Variants in TMTC1 observed in about 807,000 individuals in gnomAD.
The protein encoded by TMTC1 is transmembrane O-mannosyltransferase targeting cadherins 1.
Under a neutral mutation model 104.8 loss-of-function variants are expected in TMTC1, and 73 were observed. The ratio of observed to expected loss-of-function variants is 0.70; its 90% confidence interval spans 0.58 to 0.85. The LOEUF (loss-of-function observed/expected upper bound fraction) is 0.85. TMTC1 is among the 40% of genes least tolerant of loss of function. The pLI, the probability that TMTC1 is intolerant of heterozygous loss-of-function variation, is 0.00. For missense variants in TMTC1, 1,035 were observed against 1,096.1 expected, an observed-to-expected ratio of 0.94 and a Z score of 0.79; for synonymous variants, 434 against 428.7, an observed-to-expected ratio of 1.01 and a Z score of -0.15.
chr12:29,696,781 A>G (rs1941437030), intron 5 of TMTC1, among the ~76,000 whole-genome samples: 1 of 152,174 alleles, frequency 6.6e-6, no homozygotes, highest in Admixed American at 6.5e-5. Flanking sequence ...TATATGGAGA[A>G]GGTATTTTGT....
At chr12:29,617,699 C>A (rs1947024528) in intron 6 of TMTC1, among the ~76,000 whole-genome samples, 1 of 152,042 alleles carries the variant, frequency 6.6e-6, no homozygotes, top group Admixed American at 6.6e-5. Context: ...ATTCTAAACA[C>A]AATGGTAGGC....
chr12:29,551,649 A>G (rs988604956), intron 10 of TMTC1, among the ~76,000 whole-genome samples: 2 of 152,174 alleles, frequency 1.3e-5, no homozygotes, highest in Admixed American at 6.5e-5. Flanking sequence ...ACCAACAGCT[A>G]TTTTAACAGA....
intron 7 of TMTC1, among the ~76,000 whole-genome samples, chr12:29,589,529 C>G (rs1051606865): frequency 6.6e-6 from 1 of 152,208 alleles, no homozygotes; most frequent in Non-Finnish European, 1.5e-5. Context: ...CACCTCATCA[C>G]ACAACATCAC....
chr12:29,587,029 A>C lies in TMTC1; in HGVS notation c.1251-3455T>G, dbSNP rs1273259600. On this transcript the variant is annotated intron_variant, in intron 7 of 17. Coordinates refer to ENST00000539277, the MANE Select transcript of TMTC1 (RefSeq NM_001193451.2). Reference sequence around the variant, plus strand: ...GGAATGGTACCAGCTCCTCCTTGTAACTCTGGTAGAATTCGGCTGTGAATC... The same window carrying C: ...GGAATGGTACCAGCTCCTCCTTGTACCTCTGGTAGAATTCGGCTGTGAATC... Among the ~76,000 whole-genome samples the C allele has an allele frequency of 5.3e-5, 8 of 151,778 alleles. 1 individual carries two copies. Among genetic ancestry groups the C allele is most frequent in the Non-Finnish European group, 4.4e-5 (3 of 67,942 alleles).
At chr12:29,700,554 G>C (rs79646283) in intron 5 of TMTC1, among the ~76,000 whole-genome samples, 1,787 of 152,154 alleles carry the variant, frequency 0.012, 23 homozygotes, top group African/African-American at 0.041. Flanking sequence ...CACACCTCTA[G>C]TCAAATAACA....
At chr12:29,632,966 G>A (rs1359565356) in intron 6 of TMTC1, among the ~76,000 whole-genome samples, 181 bp downstream of exon 6, 1 of 152,092 alleles carries the variant, frequency 6.6e-6, no homozygotes, top group Admixed American at 6.5e-5. Flanking sequence ...TACAGGGTTA[G>A]TAGAAACAGT....
chr12:29,604,199 T>C lies in TMTC1; in HGVS notation c.1229A>G (p.Glu410Gly), dbSNP rs1163214179. 6.2e-7 allele frequency: 1 copy of C among 1,613,816 alleles called. No individual in the cohort carries two copies. The highest frequency in any genetic ancestry group is 8.5e-7 in the Non-Finnish European group (1 of 1,179,840). The part of the protein sequence containing the change: ...LFFRVGFVVA[E>G]RVLYMPSMGY... ...TTACCTAGGCATGTAAAGGACTCTC[T>C]CCGCCACCACAAAACCCACCCTGAA... The change falls in exon 7 of 18, where the codon GAG becomes GGG. Residue 410 changes from glutamate to glycine, a missense_variant. Coordinates refer to ENST00000539277, the MANE Select transcript of TMTC1 (RefSeq NM_001193451.2).
chr12:29,520,708 C>A lies in TMTC1; in HGVS notation c.1798G>T (p.Glu600Ter), dbSNP rs1220337945. Residue 600 changes from glutamate to a stop codon, truncating the protein, a stop_gained, in exon 12 of 18, where the codon GAA becomes TAA. Transcript: ENST00000539277. LOFTEE classifies it high-confidence loss of function. ...CCAGTTTGGTATATTTCTTCAGCTTCTTTAAACCGCTCCTTTAAAAAGAAA... is the reference window on the plus strand; with the variant it reads ...CCAGTTTGGTATATTTCTTCAGCTTATTTAAACCGCTCCTTTAAAAAGAAA... ...SLLAEQERFKEAEEIYQTGIK... is the reference protein window; with the variant it reads ...SLLAEQERFK 9 of 1,610,602 alleles carry A rather than the reference C, an allele frequency of 5.6e-6. No individual in the cohort carries two copies. The highest frequency in any genetic ancestry group is 7.6e-6 in the Non-Finnish European group (9 of 1,179,082).
chr12:29,687,776 C>A (rs1224777143), intron 5 of TMTC1, among the ~76,000 whole-genome samples: 1 of 152,218 alleles, frequency 6.6e-6, no homozygotes, highest in African/African-American at 2.4e-5. Context: ...GGCTTGCAGA[C>A]AACTACCTCC....
At chr12:29,594,416 A>G (rs2136366057) in intron 7 of TMTC1, among the ~76,000 whole-genome samples, 1 of 152,380 alleles carries the variant, frequency 6.6e-6, no homozygotes, top group African/African-American at 2.4e-5. Flanking sequence ...TAATGTGTCC[A>G]TCGTTCTTTA....
Position 29,738,185 on chromosome 12 carries a change from T to C in TMTC1, c.938+13481A>G, listed in dbSNP as rs566600086. 1.7e-4 allele frequency among the ~76,000 whole-genome samples: 26 copies of C among 152,302 alleles called. No individual in the cohort carries two copies. The South Asian group carries it at 4.4e-3, about 26-fold the overall frequency. ...CTGGAAATCAGTTAATTCAACTTTT[T>C]ACTGCTACTAAATGAAAAATCTTGG... On this transcript the variant is annotated intron_variant, in intron 5 of 17. Coordinates refer to ENST00000539277, the MANE Select transcript of TMTC1 (RefSeq NM_001193451.2).
At chr12:29,670,071 A>G (rs1940448482) in intron 5 of TMTC1, among the ~76,000 whole-genome samples, 1 of 152,232 alleles carries the variant, frequency 6.6e-6, no homozygotes, top group South Asian at 2.1e-4. Flanking sequence ...TAAATAATCC[A>G]TGCAATAAAA....
chr12:29,722,843 C>A (rs1286331037), intron 5 of TMTC1, among the ~76,000 whole-genome samples: 1 of 149,360 alleles, frequency 6.7e-6, no homozygotes, highest in African/African-American at 2.4e-5. Flanking sequence ...ATTACTTGAA[C>A]CCGGGAGGCA....
At chr12:29,622,610 C>T (rs970375768) in intron 6 of TMTC1, among the ~76,000 whole-genome samples, 6 of 152,180 alleles carry the variant, frequency 3.9e-5, no homozygotes, top group African/African-American at 7.2e-5. Context: ...GCTTAAATAT[C>T]CTTTAACTGT....
chr12:29,682,166 G>T (rs143720982), intron 5 of TMTC1, among the ~76,000 whole-genome samples: 26 of 152,206 alleles, frequency 1.7e-4, no homozygotes, highest in African/African-American at 5.8e-4. Flanking sequence ...CTAGCCATTA[G>T]GGAAATGAAA....
intron 5 of TMTC1, among the ~76,000 whole-genome samples, chr12:29,642,939 C>CCAAA (rs1189431373): frequency 1.0e-4 from 15 of 149,730 alleles, no homozygotes; most frequent in East Asian, 7.8e-4. Context: ...AAAAAAACTC[C>CCAAA]CAAACAAACA....
intron 15 of TMTC1, among the ~76,000 whole-genome samples, chr12:29,515,892 A>T (rs1943971496): frequency 1.3e-5 from 2 of 151,892 alleles, no homozygotes; most frequent in Admixed American, 6.6e-5. Context: ...AGATAATAAC[A>T]GTTGTGACAT....
At chr12:29,723,133 T>C (rs1942286108) in intron 5 of TMTC1, among the ~76,000 whole-genome samples, 2 of 152,038 alleles carry the variant, frequency 1.3e-5, no homozygotes, top group African/African-American at 4.8e-5. Flanking sequence ...CAGAAAACTG[T>C]AGAACACGAA....
chr12:29,590,477 C>A (rs1312809895), intron 7 of TMTC1, among the ~76,000 whole-genome samples: 1 of 152,162 alleles, frequency 6.6e-6, no homozygotes, highest in Non-Finnish European at 1.5e-5. Flanking sequence ...ACTCCCTGTC[C>A]CCCCTTTGCC....
Sources: allele counts gnomAD v4.1 joint callset (sites outside exome capture counted in the v4.1 genomes callset), GRCh38; gene constraint gnomAD v4.1.1; transcripts MANE v1.5; gene names NCBI Gene and HGNC (gene_info 2026-07-23, HGNC 2026-07-21).